The following METAP2 variants were observed in gnomAD, a reference collection of about 807,000 sequenced individuals.
The protein encoded by METAP2 is methionine aminopeptidase 2.
In METAP2, 25 loss-of-function variants were observed where a neutral mutation model predicts 59.4. The observed-to-expected ratio is 0.42, with a 90% CI of 0.31 to 0.59. The LOEUF (loss-of-function observed/expected upper bound fraction) is 0.59. Ranked by LOEUF, METAP2 falls within the 20% of genes least tolerant of loss-of-function variation. The pLI, the probability that METAP2 is intolerant of heterozygous loss-of-function variation, is 0.16. For missense variants in METAP2, 366 were observed against 581.2 expected (o/e 0.63, Z 3.81); for synonymous variants, 214 against 194.1 (o/e 1.10, Z -0.85).
chr12:95,481,910 T>C (rs773612528), intron 2 of METAP2, among the ~76,000 whole-genome samples: 3 of 152,216 alleles, frequency 2.0e-5, no homozygotes, highest in Non-Finnish European at 4.4e-5. Context: ...CTATTGTTTC[T>C]CCAGAACAGA....
Position 95,513,920 on chromosome 12 carries a change from A to G in METAP2, c.*16A>G. On this transcript the variant is annotated 3_prime_UTR_variant, in exon 11 of 11. Transcript: ENST00000323666. ...TGACTATTAAACTTAGTCCAAAGCC[A>G]CCTCAACACCTTTATTTTCTGAGCT... 6.3e-7 allele frequency: 1 copy of G among 1,588,560 alleles called. No individual in the cohort carries two copies. Among genetic ancestry groups the G allele is most frequent in the South Asian group, 1.1e-5 (1 of 87,124 alleles).
intron 2 of METAP2, among the ~76,000 whole-genome samples, chr12:95,479,897 C>T (rs750252151): frequency 2.0e-5 from 3 of 152,198 alleles, no homozygotes; most frequent in Non-Finnish European, 2.9e-5. Context: ...GCGTGAGCCA[C>T]CATACCTGGC....
chr12:95,481,897 A>C (rs561719351), intron 2 of METAP2, among the ~76,000 whole-genome samples: 74 of 152,322 alleles, frequency 4.9e-4, no homozygotes, highest in African/African-American at 1.7e-3. Flanking sequence ...AGTCTGGAAA[A>C]AACTATTGTT....
chr12:95,509,522 G>A (rs1409389402), intron 8 of METAP2, among the ~76,000 whole-genome samples: 1 of 152,208 alleles, frequency 6.6e-6, no homozygotes, highest in African/African-American at 2.4e-5. Flanking sequence ...AGATGTCCTT[G>A]CAGAAGTATT....
chr12:95,482,439 T>C (rs1255779753), intron 2 of METAP2, among the ~76,000 whole-genome samples: 1 of 152,132 alleles, frequency 6.6e-6, no homozygotes, highest in Admixed American at 6.5e-5. Context: ...ACTGTTCTCT[T>C]CTGCCTGCTA....
At chr12:95,490,897 C>T (rs1232024687) in intron 4 of METAP2, among the ~76,000 whole-genome samples, 3 of 151,920 alleles carry the variant, frequency 2.0e-5, no homozygotes, top group African/African-American at 4.8e-5. Flanking sequence ...CTGTGTTTTC[C>T]GTAAACTGGA....
At chr12:95,478,049 G>C (rs67927733) in intron 2 of METAP2, among the ~76,000 whole-genome samples, 11,534 of 152,116 alleles carry the variant, frequency 0.076, 568 homozygotes, top group African/African-American at 0.13. Flanking sequence ...TGGGTGTGGT[G>C]GCTTATGCCT....
At chr12:95,505,507 A>G (rs1348197422) in intron 8 of METAP2, among the ~76,000 whole-genome samples, 1 of 150,234 alleles carries the variant, frequency 6.7e-6, no homozygotes, top group Admixed American at 6.6e-5. Flanking sequence ...TTTTTTTGAG[A>G]TGGAGTCTTG....
At chr12:95,481,100 C>T (rs2140139723) in intron 2 of METAP2, among the ~76,000 whole-genome samples, 1 of 152,254 alleles carries the variant, frequency 6.6e-6, no homozygotes, top group Non-Finnish European at 1.5e-5. Flanking sequence ...CAACAGATAT[C>T]AACTGATTTG....
chr12:95,515,675 T>C lies in METAP2; in HGVS notation c.*1771T>C, dbSNP rs2076442697. The C allele has an allele frequency of 6.6e-6, 1 of 152,198 alleles. No individual in the cohort carries two copies. The highest frequency in any genetic ancestry group is 1.5e-5 in the Non-Finnish European group (1 of 68,042). 9.4% of individuals were successfully genotyped at this position (152,198 alleles called of 1,614,324 possible). A position where few individuals can be genotyped will look rare whatever the true frequency, so the allele number is the denominator to read the frequency against. On this transcript the variant is annotated 3_prime_UTR_variant, in exon 11 of 11. Coordinates refer to ENST00000323666, the MANE Select transcript of METAP2 (RefSeq NM_006838.4). ...GCCCTTGTAATGGCTGGAAGGGACA[T>C]GATCTTGTAAGTAGGAAAGCTGTAA...
intron 8 of METAP2, among the ~76,000 whole-genome samples, chr12:95,509,970 C>T (rs1407578863): frequency 6.6e-6 from 1 of 151,398 alleles, no homozygotes; most frequent in Non-Finnish European, 1.5e-5. Flanking sequence ...TCCCAAATAG[C>T]TGGGACTACA....
intron 5 of METAP2, 72 bp from the exon 6 acceptor site, chr12:95,494,885 G>A (rs2076265855): frequency 8.1e-7 from 1 of 1,237,348 alleles, no homozygotes; most frequent in Non-Finnish European, 1.1e-6. Context: ...TGGACTTGAT[G>A]AACTATATGG....
intron 4 of METAP2, among the ~76,000 whole-genome samples, chr12:95,492,978 A>G (rs938010076): frequency 1.4e-4 from 21 of 152,252 alleles, no homozygotes; most frequent in African/African-American, 5.1e-4. Flanking sequence ...TTTATTTATA[A>G]AACAGGGGAG....
chr12:95,505,989 C>T (rs935752727), intron 8 of METAP2, among the ~76,000 whole-genome samples: 3 of 151,416 alleles, frequency 2.0e-5, no homozygotes, highest in African/African-American at 4.8e-5. Context: ...CTCAGCTACT[C>T]GGGAGGCTGA....
At chr12:95,481,939 T>A (rs955152083) in intron 2 of METAP2, among the ~76,000 whole-genome samples, 2 of 152,218 alleles carry the variant, frequency 1.3e-5, no homozygotes, top group Non-Finnish European at 2.9e-5. Context: ...TATTTTTCTG[T>A]CCCTATTGCC....
intron 3 of METAP2, among the ~76,000 whole-genome samples, chr12:95,484,095 G>C (rs1021308324): frequency 1.4e-4 from 21 of 152,090 alleles, no homozygotes; most frequent in Admixed American, 6.6e-5. Context: ...ATCACAACAT[G>C]TAAGTTTTAA....
chr12:95,493,113 T>A (rs897582946), intron 4 of METAP2, among the ~76,000 whole-genome samples: 21 of 152,296 alleles, frequency 1.4e-4, no homozygotes, highest in African/African-American at 3.6e-4. Flanking sequence ...TTTTTTTTTT[T>A]AAATATCATT....
chr12:95,476,887 G>A (rs1319094311), intron 2 of METAP2, among the ~76,000 whole-genome samples: 1 of 152,082 alleles, frequency 6.6e-6, no homozygotes. Flanking sequence ...TAACCTACTT[G>A]TGCTTAGATA....
In METAP2 at chr12:95,476,174, T is replaced by C. The variant is rs202160340; in HGVS notation, c.255T>C (p.Asp85=). 2 of 1,579,924 alleles carry C rather than the reference T, an allele frequency of 1.3e-6. No individual in the cohort carries two copies. Among genetic ancestry groups the C allele is most frequent in the South Asian group, 2.3e-5 (2 of 88,256 alleles). ...ALEDKERDED[D]EDGDGDGDGA... ...AAGATAAAGAAAGAGATGAAGATGATGAAGGTAAATGGTTAATTTGATCTT... is the reference window on the plus strand; with the variant it reads ...AAGATAAAGAAAGAGATGAAGATGACGAAGGTAAATGGTTAATTTGATCTT... The change falls in exon 2 of 11, where the codon GAT becomes GAC. Residue 85 remains aspartate, a synonymous_variant. Transcript: ENST00000323666.
Sources: allele counts gnomAD v4.1 joint callset (sites outside exome capture counted in the v4.1 genomes callset), GRCh38; gene constraint gnomAD v4.1.1; transcripts MANE v1.5; gene names NCBI Gene and HGNC (gene_info 2026-07-23, HGNC 2026-07-21).